The following PACSIN2 variants were observed in gnomAD, a reference collection of about 807,000 sequenced individuals.
PACSIN2 encodes protein kinase C and casein kinase substrate in neurons 2.
Under a neutral mutation model 63.8 loss-of-function variants are expected in PACSIN2, and 25 were observed. That is an observed-to-expected ratio of 0.39 (90% confidence interval 0.29 to 0.55). The LOEUF (loss-of-function observed/expected upper bound fraction) is 0.55. Among genes scored for constraint, PACSIN2 ranks in the 20% least tolerant of loss-of-function variants. The pLI is 0.62. For missense variants in PACSIN2, 518 were observed against 646.9 expected (o/e 0.80, Z 2.16); for synonymous variants, 255 against 256.2 (o/e 1.00, Z 0.05).
chr22:42,877,044 C>G (rs1486062831), intron 8 of PACSIN2, 34 bp from the exon 9 acceptor site: 2 of 1,612,592 alleles, frequency 1.2e-6, no homozygotes, highest in Non-Finnish European at 1.7e-6. Flanking sequence ...GGGATCCCAG[C>G]TCTGCAGGGG....
chr22:42,959,643 T>A (rs561126106), intron 1 of PACSIN2: 3 of 152,222 alleles, frequency 2.0e-5, no homozygotes, highest in Non-Finnish European at 4.4e-5. Context: ...TAATTGAACA[T>A]TGCCGTCACG....
chr22:42,928,077 G>A (rs969528243), intron 1 of PACSIN2, among the ~76,000 whole-genome samples: 1 of 152,142 alleles, frequency 6.6e-6, no homozygotes, highest in African/African-American at 2.4e-5. Flanking sequence ...ACATTCCAAA[G>A]AGAGTTGAAG....
At chr22:42,970,857 T>C (rs1224223816) in intron 1 of PACSIN2, among the ~76,000 whole-genome samples, 1 of 152,030 alleles carries the variant, frequency 6.6e-6, no homozygotes. Context: ...GTGCTGACCA[T>C]GAGATGGGAG....
Position 42,982,888 on chromosome 22 carries a change from A to AAAAAAAAAAAAAAAAAAAAAAC in PACSIN2, c.-78+32132_-78+32133insGTTTTTTTTTTTTTTTTTTTTT, listed in dbSNP as rs759532303. On this transcript the variant is annotated intron_variant, in intron 1 of 10. Coordinates refer to ENST00000263246, the MANE Select transcript of PACSIN2 (RefSeq NM_001184970.3). Reference sequence around the variant, plus strand: ...GATCAATAAAAAAAAAAAAAAAAAAAAACAACAACAAGGCTAGGAGCAGTG... The same window carrying AAAAAAAAAAAAAAAAAAAAAAC: ...GATCAATAAAAAAAAAAAAAAAAAAAAAAAAAAAAAAAAAAAAAAAACAACAACAACAAGGCTAGGAGCAGTG... Among the ~76,000 whole-genome samples the AAAAAAAAAAAAAAAAAAAAAAC allele has an allele frequency of 4.4e-4, 46 of 105,104 alleles. 2 individuals carry two copies. The highest frequency in any genetic ancestry group is 7.5e-4 in the Non-Finnish European group (36 of 47,866). The allele number at this position is 105,104 out of a possible 152,430, so 69.0% of individuals were successfully genotyped here. A position where few individuals can be genotyped will look rare whatever the true frequency, so the allele number is the denominator to read the frequency against.
intron 1 of PACSIN2, among the ~76,000 whole-genome samples, chr22:42,930,105 G>A (rs958318657): frequency 3.3e-5 from 5 of 152,196 alleles, no homozygotes; most frequent in Non-Finnish European, 5.9e-5. Context: ...TTCTCATCGC[G>A]AACCATGAGG....
intron 1 of PACSIN2, among the ~76,000 whole-genome samples, chr22:42,927,560 T>A (rs1318024781): frequency 6.6e-6 from 1 of 151,084 alleles, no homozygotes; most frequent in African/African-American, 2.4e-5. Flanking sequence ...CAGTCTTTTA[T>A]TTATTTATTT....
chr22:42,935,759 C>T (rs1227810832), intron 1 of PACSIN2, among the ~76,000 whole-genome samples: 1 of 152,062 alleles, frequency 6.6e-6, no homozygotes, highest in Non-Finnish European at 1.5e-5. Flanking sequence ...ACACAGGTGG[C>T]CCCACAAGCA....
intron 2 of PACSIN2, chr22:42,909,481 C>T: frequency 2.1e-6 from 1 of 470,592 alleles, no homozygotes; most frequent in South Asian, 1.6e-5. Context: ...TCCCAGCAGG[C>T]CATCACTGAG....
intron 1 of PACSIN2, among the ~76,000 whole-genome samples, chr22:42,955,644 A>G (rs1933884650): frequency 6.6e-6 from 1 of 152,234 alleles, no homozygotes; most frequent in African/African-American, 2.4e-5. Flanking sequence ...GTTCAATGTG[A>G]AGTATGAAAG....
chr22:42,871,328 C>G lies in PACSIN2; in HGVS notation c.*29G>C, dbSNP rs754009723. The G allele has an allele frequency of 1.2e-5, 17 of 1,389,458 alleles. No homozygotes were observed. The East Asian group carries it at 3.6e-4, about 30-fold the overall frequency. The allele number at this position is 1,389,458 out of a possible 1,614,324, so 86.1% of individuals were successfully genotyped here. A position where few individuals can be genotyped will look rare whatever the true frequency, so the allele number is the denominator to read the frequency against. Reference sequence around the variant, plus strand: ...CTGAGGCTCCTGGGCCCGCCGCCTCCGTCCCCCCGCTGGCCTGTCCCCGAC... The same window carrying G: ...CTGAGGCTCCTGGGCCCGCCGCCTCGGTCCCCCCGCTGGCCTGTCCCCGAC... On this transcript the variant is annotated 3_prime_UTR_variant, in exon 11 of 11. Transcript: ENST00000263246. This position sits in a 1 kb window ranked among gnomAD's most constrained non-coding sequence, Gnocchi z 5.4.
intron 1 of PACSIN2, among the ~76,000 whole-genome samples, chr22:42,966,791 A>G (rs955868800): frequency 6.6e-6 from 1 of 152,236 alleles, no homozygotes; most frequent in East Asian, 1.9e-4. Context: ...TCTGGGCAAC[A>G]CATTAAAAAT....
At chr22:42,983,212 G>A (rs1437737765) in intron 1 of PACSIN2, among the ~76,000 whole-genome samples, 4 of 151,792 alleles carry the variant, frequency 2.6e-5, no homozygotes, top group Middle Eastern at 3.4e-3. Context: ...AGCTACTCAG[G>A]AGGCTGAGGC....
At chr22:42,908,405 A>T (rs1569254927) in intron 2 of PACSIN2, among the ~76,000 whole-genome samples, 1 of 152,216 alleles carries the variant, frequency 6.6e-6, no homozygotes. Flanking sequence ...AGCACTGGTG[A>T]CACGTGAAAA....
intron 8 of PACSIN2, among the ~76,000 whole-genome samples, chr22:42,877,853 C>T (rs1233393865): frequency 3.3e-5 from 5 of 152,212 alleles, no homozygotes; most frequent in Non-Finnish European, 7.3e-5. Context: ...ACCAGGGCCT[C>T]AGGGCACAGG....
At chr22:42,945,555 A>G (rs936623243) in intron 1 of PACSIN2, among the ~76,000 whole-genome samples, 1 of 152,108 alleles carries the variant, frequency 6.6e-6, no homozygotes, top group African/African-American at 2.4e-5. Flanking sequence ...TTTCTACGTC[A>G]GAAATGGTCC....
intron 1 of PACSIN2, among the ~76,000 whole-genome samples, chr22:42,979,629 G>A (rs1303248079): frequency 6.6e-6 from 1 of 152,008 alleles, no homozygotes; most frequent in Non-Finnish European, 1.5e-5. Context: ...ATTGGCCCAG[G>A]TCAGATACCT....
chr22:42,929,613 T>G (rs1375528214), intron 1 of PACSIN2, among the ~76,000 whole-genome samples: 1 of 152,212 alleles, frequency 6.6e-6, no homozygotes, highest in Admixed American at 6.5e-5. Context: ...TTTGTTCACC[T>G]TTTAGAATGG....
At chr22:42,935,518 C>A (rs1462323405) in intron 1 of PACSIN2, among the ~76,000 whole-genome samples, 1 of 152,156 alleles carries the variant, frequency 6.6e-6, no homozygotes, top group East Asian at 1.9e-4. Context: ...TGAGCAGTTT[C>A]AATGAAGTAA....
At chr22:42,927,465 T>A (rs986094951) in intron 1 of PACSIN2, among the ~76,000 whole-genome samples, 2 of 152,136 alleles carry the variant, frequency 1.3e-5, no homozygotes, top group Non-Finnish European at 2.9e-5. Context: ...GCCAGGCTGG[T>A]CTCAAACTTC....
Sources: gnomAD v4.1 joint callset for allele counts (sites outside exome capture counted in the v4.1 genomes callset) on GRCh38, gnomAD v4.1.1 for gene constraint, Gnocchi (gnomAD v3.1) non-coding constraint, MANE v1.5 for transcripts, NCBI Gene and HGNC (gene_info 2026-07-23, HGNC 2026-07-21) for gene names.